Variants in ASCC3 observed in about 807,000 individuals in gnomAD.
ASCC3 encodes ASC-1 complex subunit P200.
In ASCC3, 158 loss-of-function variants were observed where a neutral mutation model predicts 256.3. The ratio of observed to expected loss-of-function variants is 0.62; its 90% CI spans 0.54 to 0.70. The LOEUF (loss-of-function observed/expected upper bound fraction) is 0.70. Ranked by LOEUF, ASCC3 falls within the 30% of genes least tolerant of loss-of-function variation. The probability of loss-of-function intolerance (pLI) is 0.00; values close to 1 mark genes in which losing one functional copy is unlikely to be tolerated. For missense variants in ASCC3, 2,259 were observed against 2,626.0 expected, an observed-to-expected ratio of 0.86 and a Z score of 3.05; for synonymous variants, 948 against 883.4, an observed-to-expected ratio of 1.07 and a Z score of -1.30.
At chr6:100,817,963 G>C (rs1279393470) in intron 4 of ASCC3, among the ~76,000 whole-genome samples, 1 of 151,998 alleles carries the variant, frequency 6.6e-6, no homozygotes. Flanking sequence ...GAAAACTATA[G>C]AGCAATATCT....
chr6:100,652,511 T>C (rs1775721905), intron 18 of ASCC3, among the ~76,000 whole-genome samples: 1 of 152,146 alleles, frequency 6.6e-6, no homozygotes, highest in Admixed American at 6.6e-5. Context: ...TGTTTATTGC[T>C]TGGGATACAC....
intron 3 of ASCC3, chr6:100,858,138 A>C (rs940113678): frequency 2.4e-6 from 1 of 414,606 alleles, no homozygotes; most frequent in Admixed American, 6.5e-5. Context: ...AATAAATTAA[A>C]ATTTTAAAAT....
intron 13 of ASCC3, among the ~76,000 whole-genome samples, chr6:100,709,457 T>G (rs894541162): frequency 1.3e-5 from 2 of 152,160 alleles, no homozygotes; most frequent in African/African-American, 4.8e-5. Context: ...CTCTCTTAAC[T>G]AGCTCTGTGA....
At chr6:100,777,232 T>C (rs1382882678) in intron 8 of ASCC3, among the ~76,000 whole-genome samples, 1 of 152,136 alleles carries the variant, frequency 6.6e-6, no homozygotes, top group Non-Finnish European at 1.5e-5. Context: ...ACTTTACATG[T>C]GTGTGTATGT....
chr6:100,631,622 T>G (rs2114867531), intron 25 of ASCC3, among the ~76,000 whole-genome samples: 1 of 152,054 alleles, frequency 6.6e-6, no homozygotes, highest in South Asian at 2.1e-4. Context: ...TGATTAATAT[T>G]TATTTGAGTT....
At chr6:100,772,373 T>C (rs1396550958) in intron 8 of ASCC3, among the ~76,000 whole-genome samples, 1 of 152,214 alleles carries the variant, frequency 6.6e-6, no homozygotes, top group Non-Finnish European at 1.5e-5. Flanking sequence ...ATAGCAGCTT[T>C]ACCTGTAATA....
intron 11 of ASCC3, among the ~76,000 whole-genome samples, chr6:100,721,665 CTGTA>C (rs1457578600): frequency 6.6e-5 from 10 of 151,690 alleles, no homozygotes; most frequent in Admixed American, 6.6e-4. Flanking sequence ...TGTGTGTTTT[CTGTA>C]TGTGTGTGCA....
chr6:100,527,611 C>G (rs955327785), intron 37 of ASCC3, among the ~76,000 whole-genome samples: 1 of 152,168 alleles, frequency 6.6e-6, no homozygotes, highest in Admixed American at 6.5e-5. Flanking sequence ...GGCAATTCTA[C>G]CTCCTGGCAT....
At chr6:100,658,449 G>GTGTATATA (rs1341378788) in intron 16 of ASCC3, among the ~76,000 whole-genome samples, 6 of 151,348 alleles carry the variant, frequency 4.0e-5, no homozygotes, top group Non-Finnish European at 8.9e-5. Flanking sequence ...ATGCATGCGT[G>GTGTATATA]TGTATATATG....
At position 100,800,208 on chromosome 6, in the gene ASCC3, T is replaced by G; in HGVS notation, c.1127+92A>C. On this transcript the variant is annotated intron_variant, in intron 6 of 41. Transcript: ENST00000369162. ...AAAACGTGACTTGAAGTAAAAATCA[T>G]CTATACTGCTAAGACTAAACTAAAA... The G allele has an allele frequency of 3.6e-6, 5 of 1,375,706 alleles. 1 individual carries two copies. In the South Asian group the frequency reaches 6.1e-5, roughly 17 times the overall value. 85.2% of individuals were successfully genotyped at this position (1,375,706 alleles called of 1,614,324 possible). A position where few individuals can be genotyped will look rare whatever the true frequency, so the allele number is the denominator to read the frequency against.
At chr6:100,719,283 TCCCATCAAAAGC>T (rs1779215959) in intron 11 of ASCC3, among the ~76,000 whole-genome samples, 1 of 151,898 alleles carries the variant, frequency 6.6e-6, no homozygotes, top group East Asian at 1.9e-4. Flanking sequence ...CCAAACCAAA[TCCCATCAAAAGC>T]AAGGAACCCT....
intron 36 of ASCC3, among the ~76,000 whole-genome samples, chr6:100,560,112 T>C (rs1006286880): frequency 6.6e-6 from 1 of 152,182 alleles, no homozygotes; most frequent in Non-Finnish European, 1.5e-5. Context: ...TGTAAGTGGA[T>C]ATACTTTGGA....
chr6:100,809,976 T>C (rs1770380030), intron 4 of ASCC3, among the ~76,000 whole-genome samples: 1 of 152,094 alleles, frequency 6.6e-6, no homozygotes, highest in Non-Finnish European at 1.5e-5. Flanking sequence ...AAACCTCTAC[T>C]ATACTAACAC....
intron 14 of ASCC3, among the ~76,000 whole-genome samples, chr6:100,676,542 C>T (rs1014689674): frequency 6.6e-6 from 1 of 151,720 alleles, no homozygotes; most frequent in Non-Finnish European, 1.5e-5. Flanking sequence ...ACTTTCCTTT[C>T]CTTTCCCTAC....
At position 100,607,195 on chromosome 6, in the gene ASCC3, A is replaced by G. The variant is rs907998432; in HGVS notation, c.4786-107T>C. The G allele has an allele frequency of 5.0e-6, 6 of 1,198,852 alleles. No homozygotes were observed. The African/African-American group carries it at 9.2e-5, about 18-fold the overall frequency. The allele number at this position is 1,198,852 out of a possible 1,614,324, so 74.3% of individuals were successfully genotyped here. A position where few individuals can be genotyped will look rare whatever the true frequency, so the allele number is the denominator to read the frequency against. ...ATTTTGTCTTTATGTTATTATATGG[A>G]CATAAAATATAAGTCCTATATACAG... On this transcript the variant is annotated intron_variant, in intron 30 of 41. Transcript: ENST00000369162.
chr6:100,767,218 A>G lies in ASCC3; in HGVS notation c.1523T>C (p.Ile508Thr), dbSNP rs779891561. The change falls in exon 9 of 42, where the codon ATT becomes ACT. Residue 508 changes from isoleucine (I) to threonine (T), a missense_variant. Coordinates refer to ENST00000369162, the MANE Select transcript of ASCC3 (RefSeq NM_006828.4). Reference protein sequence around the residue: ...CAPTGAGKTNIAMLTVLHEIR... With the variant: ...CAPTGAGKTNTAMLTVLHEIR... ...TTCATGCAAGACTGTCAGCATTGCA[A>G]TGTTGGTTTTTCCAGCTCCTGTAGG... The G allele has an allele frequency of 2.5e-6, 4 of 1,614,086 alleles. No homozygotes were observed. The Admixed American group carries it at 5.0e-5, about 20-fold the overall frequency.
intron 13 of ASCC3, among the ~76,000 whole-genome samples, chr6:100,688,534 C>T (rs1046443177): frequency 5.3e-5 from 8 of 152,060 alleles, no homozygotes; most frequent in African/African-American, 1.9e-4. Flanking sequence ...ATTACTATTA[C>T]GATTAAGTAG....
At chr6:100,652,486 A>T (rs79737347) in intron 18 of ASCC3, among the ~76,000 whole-genome samples, 4,577 of 152,212 alleles carry the variant, frequency 0.03, 75 homozygotes, top group African/African-American at 0.055. Flanking sequence ...TGCCTTGACT[A>T]TTTAGGCTTG....
At chr6:100,748,005 T>C (rs555288658) in intron 10 of ASCC3, among the ~76,000 whole-genome samples, 1 of 152,172 alleles carries the variant, frequency 6.6e-6, no homozygotes, top group South Asian at 2.1e-4. Flanking sequence ...GCTTTTATCC[T>C]CTTATTTAGA....
Sources: allele counts gnomAD v4.1 joint callset (sites outside exome capture counted in the v4.1 genomes callset), GRCh38; gene constraint gnomAD v4.1.1; transcripts MANE v1.5; gene names NCBI Gene and HGNC (gene_info 2026-07-23, HGNC 2026-07-21).